The following PGPEP1 variants were observed in gnomAD, a reference collection of about 807,000 sequenced individuals.
The protein encoded by PGPEP1 is pyroglutamyl-peptidase 1.
A neutral mutation model predicts 24.1 loss-of-function variants in PGPEP1; 15 were observed. The observed-to-expected ratio is 0.62, with a 90% CI of 0.42 to 0.96. The LOEUF (loss-of-function observed/expected upper bound fraction) is 0.96. Among genes scored for constraint, PGPEP1 ranks in the 40% least tolerant of loss-of-function variants. The pLI is 0.00. For synonymous variants in PGPEP1, 122 were observed against 116.4 expected (o/e 1.05, Z -0.31); for missense variants, 242 against 273.4 (o/e 0.89, Z 0.81).
intron 4 of PGPEP1, chr19:18,361,936 G>A (rs1045350597): frequency 4.2e-6 from 4 of 945,172 alleles, no homozygotes; most frequent in Non-Finnish European, 5.0e-6. Flanking sequence ...CACATTCCTT[G>A]TAAACAGATT....
Position 18,365,985 on chromosome 19 carries a change from C to G in PGPEP1, c.*2402C>G, listed in dbSNP as rs1971535395. 2 of 152,090 alleles carry G rather than the reference C, an allele frequency of 1.3e-5. No homozygotes were observed. The highest frequency in any genetic ancestry group is 4.8e-5 in the African/African-American group (2 of 41,386). 9.4% of individuals were successfully genotyped at this position (152,090 alleles called of 1,614,324 possible). The stretch of plus-strand genomic sequence containing the variant: ...CTGGTAGCTCTGTGTCCTGAGAAAT[C>G]CAGAGTGTGGGAGACATCACTGCAT... On this transcript the variant is annotated 3_prime_UTR_variant, in exon 5 of 5. Coordinates refer to ENST00000269919, the MANE Select transcript of PGPEP1 (RefSeq NM_017712.4).
chr19:18,348,983 G>A, intron 2 of PGPEP1: 1 of 371,676 alleles, frequency 2.7e-6, no homozygotes, highest in Non-Finnish European at 3.7e-6. Flanking sequence ...GGCTGGTCTT[G>A]AACTTCCGGG....
intron 2 of PGPEP1, among the ~76,000 whole-genome samples, chr19:18,347,270 C>CTTTTTTTTTTTTTTTTTTTTTTTT (rs59936417): frequency 1.1e-5 from 1 of 94,420 alleles, no homozygotes; most frequent in Non-Finnish European, 1.9e-5. Flanking sequence ...TTCTTTCTTT[C>CTTTTTTTTTTTTTTTTTTTTTTTT]TTTTTTTTTT....
At chr19:18,357,664 A>T (rs1971228678) in intron 4 of PGPEP1, 49 bp downstream of exon 4, 3 of 1,352,460 alleles carry the variant, frequency 2.2e-6, no homozygotes, top group Middle Eastern at 3.6e-4. Flanking sequence ...TCCTCCACCC[A>T]CTGAGCCTGG....
chr19:18,357,087 C>G (rs1434314678), intron 3 of PGPEP1, among the ~76,000 whole-genome samples: 1 of 152,202 alleles, frequency 6.6e-6, no homozygotes, highest in Admixed American at 6.6e-5. Flanking sequence ...TGCATAGCAG[C>G]TCATTATTTA....
In PGPEP1 at chr19:18,366,407, G is replaced by C. The variant is rs1049393055; in HGVS notation, c.*2824G>C. ...GTTTCACATTTCCTTACCCAGTCAA[G>C]CCAGTATCCCATCCTTCCTCATAAT... On this transcript the variant is annotated 3_prime_UTR_variant, in exon 5 of 5. Transcript: ENST00000269919. 1.3e-5 allele frequency: 2 copies of C among 152,126 alleles called. No homozygotes were observed. Among genetic ancestry groups the C allele is most frequent in the African/African-American group, 4.8e-5 (2 of 41,428 alleles). The allele number at this position is 152,126 out of a possible 1,614,324, so 9.4% of individuals were successfully genotyped here. A position where few individuals can be genotyped will look rare whatever the true frequency, so the allele number is the denominator to read the frequency against.
intron 4 of PGPEP1, among the ~76,000 whole-genome samples, chr19:18,359,862 G>C (rs1317624845): frequency 6.6e-6 from 1 of 151,890 alleles, no homozygotes; most frequent in Non-Finnish European, 1.5e-5. Flanking sequence ...TGACTTGTAG[G>C]CCTCTCCAAC....
chr19:18,351,098 C>A (rs1971006890), intron 2 of PGPEP1, among the ~76,000 whole-genome samples: 2 of 151,978 alleles, frequency 1.3e-5, no homozygotes, highest in African/African-American at 4.8e-5. Flanking sequence ...ATGGTGAAAC[C>A]CCGTCTCTAC....
chr19:18,348,722 G>C (rs1307851376), intron 2 of PGPEP1, among the ~76,000 whole-genome samples: 1 of 152,156 alleles, frequency 6.6e-6, no homozygotes, highest in Non-Finnish European at 1.5e-5. Flanking sequence ...CAGGCAATGT[G>C]AACAGACCTT....
intron 3 of PGPEP1, 58 bp from the exon 4 acceptor site, chr19:18,357,325 G>T: frequency 7.4e-7 from 1 of 1,353,352 alleles, no homozygotes; most frequent in Non-Finnish European, 1.0e-6. Flanking sequence ...GGCCTCAGGG[G>T]GACCCCTCTG....
At chr19:18,357,017 G>T (rs767224053) in intron 3 of PGPEP1, among the ~76,000 whole-genome samples, 12 of 152,132 alleles carry the variant, frequency 7.9e-5, no homozygotes, top group Non-Finnish European at 1.6e-4. Flanking sequence ...CAGCCTGGGC[G>T]ACAGAGCAAG....
At chr19:18,347,580 CT>C (rs1237702422) in intron 2 of PGPEP1, among the ~76,000 whole-genome samples, 2 of 150,960 alleles carry the variant, frequency 1.3e-5, no homozygotes, top group African/African-American at 4.9e-5. Context: ...CTTTCCCCTT[CT>C]CTCTCTCCCC....
chr19:18,355,953 T>C lies in PGPEP1; in HGVS notation c.146T>C (p.Val49Ala), dbSNP rs565908679. ...GACCTGCATGTGTACGAGATTCCGGTTGAGTACCAAACAGTCCAGAGACTC... is the reference window on the plus strand; with the variant it reads ...GACCTGCATGTGTACGAGATTCCGGCTGAGTACCAAACAGTCCAGAGACTC... ...SVDLHVYEIP[V>A]EYQTVQRLIP... The change falls in exon 3 of 5, where the codon GTT becomes GCT. Residue 49 changes from valine (V) to alanine (A), a missense_variant. Physicochemically the swap from Val to Ala is moderately conservative, Grantham distance 64 (BLOSUM62 0). Transcript: ENST00000269919. 4 of 1,613,736 alleles carry C rather than the reference T, an allele frequency of 2.5e-6. No individual in the cohort carries two copies. Among genetic ancestry groups the C allele is most frequent in the Non-Finnish European group, 3.4e-6 (4 of 1,179,714 alleles).
At chr19:18,344,784 G>A (rs932635043) in intron 2 of PGPEP1, among the ~76,000 whole-genome samples, 6 of 152,102 alleles carry the variant, frequency 3.9e-5, no homozygotes, top group Non-Finnish European at 7.4e-5. Flanking sequence ...CCTTCACGGG[G>A]CTGAGTGGAC....
rs1246335748 is a variant in PGPEP1 at position 18,364,850 on chromosome 19, C to G, written c.*1267C>G. The G allele has an allele frequency of 6.6e-6, 1 of 151,982 alleles. No homozygotes were observed. The highest frequency in any genetic ancestry group is 1.9e-4 in the East Asian group (1 of 5,178). 9.4% of individuals were successfully genotyped at this position (151,982 alleles called of 1,614,324 possible). ...CTTTTCTTTTTTAATATGTAAAACTCCACATCAGCGGAAACCCCCCCCTAC... is the reference window on the plus strand; with the variant it reads ...CTTTTCTTTTTTAATATGTAAAACTGCACATCAGCGGAAACCCCCCCCTAC... On this transcript the variant is annotated 3_prime_UTR_variant, in exon 5 of 5. Coordinates refer to ENST00000269919, the MANE Select transcript of PGPEP1 (RefSeq NM_017712.4).
chr19:18,350,277 G>C (rs567873269), intron 2 of PGPEP1, among the ~76,000 whole-genome samples: 1 of 152,020 alleles, frequency 6.6e-6, no homozygotes, highest in Non-Finnish European at 1.5e-5. Flanking sequence ...TATCCATCTC[G>C]ACCTTCCAAA....
intron 2 of PGPEP1, among the ~76,000 whole-genome samples, chr19:18,346,864 T>G (rs539904062): frequency 6.6e-5 from 10 of 151,890 alleles, no homozygotes; most frequent in African/African-American, 2.4e-4. Flanking sequence ...GGTCTTGAAC[T>G]CCCGACCTCA....
At chr19:18,352,845 C>T (rs1222581847) in intron 2 of PGPEP1, among the ~76,000 whole-genome samples, 4 of 152,086 alleles carry the variant, frequency 2.6e-5, no homozygotes, top group Middle Eastern at 3.4e-3. Context: ...CGTGAGCCAC[C>T]GTACTCAGCC....
In PGPEP1 at chr19:18,366,360, T is replaced by G. The variant is rs1374503839; in HGVS notation, c.*2777T>G. ...CTGCTCATTGTCACGTGTGTGTGTG[T>G]CATCTTTGTATTCTTGCAGTGGTTT... On this transcript the variant is annotated 3_prime_UTR_variant, in exon 5 of 5. Coordinates refer to ENST00000269919, the MANE Select transcript of PGPEP1 (RefSeq NM_017712.4). The G allele has an allele frequency of 6.6e-6, 1 of 152,210 alleles. No individual in the cohort carries two copies. Among genetic ancestry groups the G allele is most frequent in the Non-Finnish European group, 1.5e-5 (1 of 68,042 alleles). The allele number at this position is 152,210 out of a possible 1,614,324, so 9.4% of individuals were successfully genotyped here. A position where few individuals can be genotyped will look rare whatever the true frequency, so the allele number is the denominator to read the frequency against.
Sources: allele counts gnomAD v4.1 joint callset (sites outside exome capture counted in the v4.1 genomes callset), GRCh38; gene constraint gnomAD v4.1.1; transcripts MANE v1.5; gene names NCBI Gene and HGNC (gene_info 2026-07-23, HGNC 2026-07-21).